PDCD7: variants seen among roughly 807,000 people sequenced by gnomAD.
The protein encoded by PDCD7 is programmed cell death protein 7.
PDCD7 carries 40 observed loss-of-function variants against 42.1 expected under a neutral mutation model. That is an observed-to-expected ratio of 0.95 (90% CI 0.74 to 1.24). The LOEUF is 1.24. PDCD7 is among the 50% of genes most tolerant of loss of function. The pLI, the probability that PDCD7 is intolerant of heterozygous loss-of-function variation, is 0.00. For synonymous variants in PDCD7, 299 were observed against 303.3 expected (o/e 0.99, Z 0.15); for missense variants, 644 against 662.8 (o/e 0.97, Z 0.31).
At chr15:65,125,741 G>C (rs1447320324) in intron 2 of PDCD7, among the ~76,000 whole-genome samples, 2 of 152,034 alleles carry the variant, frequency 1.3e-5, no homozygotes, top group Admixed American at 6.6e-5. Context: ...TTGCAGATGA[G>C]GAAACAAAGG....
chr15:65,124,588 C>G (rs970161967), intron 2 of PDCD7, among the ~76,000 whole-genome samples: 3 of 152,156 alleles, frequency 2.0e-5, no homozygotes, highest in African/African-American at 7.2e-5. Flanking sequence ...CCCCTTTAGC[C>G]ACATGCCTGC....
intron 2 of PDCD7, among the ~76,000 whole-genome samples, chr15:65,124,626 A>T (rs919425586): frequency 9.2e-5 from 14 of 152,080 alleles, no homozygotes; most frequent in African/African-American, 3.4e-4. Context: ...GGACCTTGGC[A>T]TTATCAGAAA....
In PDCD7 at chr15:65,133,718, G is replaced by A; in HGVS notation, c.64C>T (p.Pro22Ser). The change falls in exon 1 of 5, where the codon CCT becomes TCT. Residue 22 changes from proline to serine, a missense_variant. Transcript: ENST00000204549. ...PGPPPPQPPP[P>S]APFGCPPPPL... ...GGTGGCGGACAGCCGAAAGGAGCAG[G>A]AGGCGGCGGCTGCGGGGGCGGTGGG... 7.6e-7 allele frequency: 1 copy of A among 1,315,358 alleles called. No homozygotes were observed. The highest frequency in any genetic ancestry group is 3.1e-5 in the East Asian group (1 of 32,502). 81.5% of individuals were successfully genotyped at this position (1,315,358 alleles called of 1,614,324 possible).
chr15:65,119,214 C>A (rs1255688691), intron 4 of PDCD7, 162 bp downstream of exon 4: 2 of 576,316 alleles, frequency 3.5e-6, no homozygotes, highest in African/African-American at 1.9e-5. Flanking sequence ...ATGTATGCAG[C>A]ATCCTTGAAA....
chr15:65,132,124 G>GTGTA (rs892091863), intron 1 of PDCD7, among the ~76,000 whole-genome samples: 15 of 140,970 alleles, frequency 1.1e-4, no homozygotes, highest in African/African-American at 3.9e-4. Flanking sequence ...GTATGTATGT[G>GTGTA]TATATATATA....
intron 1 of PDCD7, among the ~76,000 whole-genome samples, chr15:65,131,749 C>CA (rs1385646913): frequency 6.6e-6 from 1 of 151,704 alleles, no homozygotes; most frequent in East Asian, 1.9e-4. Flanking sequence ...AACTCCATCT[C>CA]AAAAAAAGAA....
chr15:65,119,753 T>C lies in PDCD7; in HGVS notation c.1211A>G (p.Lys404Arg), dbSNP rs1247375068. 2 of 1,612,250 alleles carry C rather than the reference T, an allele frequency of 1.2e-6. No individual in the cohort carries two copies. Among genetic ancestry groups the C allele is most frequent in the East Asian group, 4.5e-5 (2 of 44,884 alleles). ...RKEKEKILLQ[K>R]REIESKLFGD... ...AAACAACTTGGACTCAATTTCACGTTTCTGAAGTAAAATTTTCTCTTTTTC... is the reference window on the plus strand; with the variant it reads ...AAACAACTTGGACTCAATTTCACGTCTCTGAAGTAAAATTTTCTCTTTTTC... The change falls in exon 3 of 5, where the codon AAA becomes AGA. Residue 404 changes from lysine to arginine, a missense_variant. Lys to Arg is a conservative substitution (Grantham distance 26). Coordinates refer to ENST00000204549, the MANE Select transcript of PDCD7 (RefSeq NM_005707.2).
In PDCD7 at chr15:65,117,396, T is replaced by G. The variant is rs950362575; in HGVS notation, c.*1321A>C. On this transcript the variant is annotated 3_prime_UTR_variant, in exon 5 of 5. Transcript: ENST00000204549. ...GCACAAACTAAAAAATAAAAATGATTTTTATTTAGTTTTTTGGAAATATAA... is the reference window on the plus strand; with the variant it reads ...GCACAAACTAAAAAATAAAAATGATGTTTATTTAGTTTTTTGGAAATATAA... 6.6e-6 allele frequency: 1 copy of G among 152,222 alleles called. No individual in the cohort carries two copies. The highest frequency in any genetic ancestry group is 1.5e-5 in the Non-Finnish European group (1 of 68,034). The allele number at this position is 152,222 out of a possible 1,614,324, so 9.4% of individuals were successfully genotyped here.
Position 65,117,432 on chromosome 15 carries a change from G to A in PDCD7, c.*1285C>T, listed in dbSNP as rs915060539. 1 of 151,982 alleles carries A rather than the reference G, an allele frequency of 6.6e-6. No individual in the cohort carries two copies. Among genetic ancestry groups the A allele is most frequent in the African/African-American group, 2.4e-5 (1 of 41,414 alleles). 9.4% of individuals were successfully genotyped at this position (151,982 alleles called of 1,614,324 possible). A position where few individuals can be genotyped will look rare whatever the true frequency, so the allele number is the denominator to read the frequency against. ...TTTTTGGAAATATAACAAAATAATTGGCAAAAACCAAACCAAAACAGAACC... is the reference window on the plus strand; with the variant it reads ...TTTTTGGAAATATAACAAAATAATTAGCAAAAACCAAACCAAAACAGAACC... On this transcript the variant is annotated 3_prime_UTR_variant, in exon 5 of 5. Transcript: ENST00000204549.
At position 65,120,217 on chromosome 15, in the gene PDCD7, GACC is replaced by G. The variant is rs575268392; in HGVS notation, c.1010-266_1010-264del. ...TGTGCAGGCTGGAGTGCGGCAGCAT[GACC>G]ACGACTCACTGCAGCCTCGACCTCC... On this transcript the variant is annotated intron_variant, in intron 2 of 4. Coordinates refer to ENST00000204549, the MANE Select transcript of PDCD7 (RefSeq NM_005707.2). Among the ~76,000 whole-genome samples, 44 of 151,968 alleles carry G rather than the reference GACC, an allele frequency of 2.9e-4. No individual in the cohort carries two copies. The South Asian group carries it at 9.1e-3, about 32-fold the overall frequency.
intron 1 of PDCD7, among the ~76,000 whole-genome samples, chr15:65,131,289 C>A (rs2087538272): frequency 6.6e-6 from 1 of 152,210 alleles, no homozygotes; most frequent in South Asian, 2.1e-4. Context: ...TGTCTCCTAT[C>A]ACCCCCAGAT....
rs1305408184 is a variant in PDCD7 at position 65,133,621 on chromosome 15, G to C, written c.161C>G (p.Pro54Arg). 1.6e-6 allele frequency: 2 copies of C among 1,246,098 alleles called. No homozygotes were observed. The allele number at this position is 1,246,098 out of a possible 1,614,324, so 77.2% of individuals were successfully genotyped here. ...CAGAGCCAGCGGAGGCTGAAGGAAG[G>C]GGGCGGAGGCCCCCGGAAAAGGGCC... ...RPGPFPGASA[P>R]FLQPPLALQP... Residue 54 changes from proline (P) to arginine (R), a missense_variant, in exon 1 of 5, where the codon CCC becomes CGC. Pro to Arg is a moderately radical substitution (Grantham distance 103, BLOSUM62 -2). Coordinates refer to ENST00000204549, the MANE Select transcript of PDCD7 (RefSeq NM_005707.2).
chr15:65,128,877 C>CAG (rs1375100166), intron 2 of PDCD7, among the ~76,000 whole-genome samples, 155 bp downstream of exon 2: 1 of 152,206 alleles, frequency 6.6e-6, no homozygotes, highest in Non-Finnish European at 1.5e-5. Flanking sequence ...CTTCCTGCTT[C>CAG]AGAAGTTCTG....
intron 1 of PDCD7, among the ~76,000 whole-genome samples, chr15:65,131,973 C>G (rs1304652136): frequency 6.6e-6 from 1 of 151,748 alleles, no homozygotes; most frequent in African/African-American, 2.4e-5. Context: ...CTTCTCAAGG[C>G]TGTTATAAAG....
intron 2 of PDCD7, 109 bp from the exon 3 acceptor site, chr15:65,120,063 T>C (rs2087440877): frequency 8.5e-7 from 1 of 1,179,046 alleles, no homozygotes; most frequent in African/African-American, 1.5e-5. Flanking sequence ...TCACTGCAAC[T>C]TCAAACTCCT....
chr15:65,118,703 C>T lies in PDCD7; in HGVS notation c.*14G>A. The T allele has an allele frequency of 6.3e-7, 1 of 1,594,492 alleles. No individual in the cohort carries two copies. The highest frequency in any genetic ancestry group is 8.5e-7 in the Non-Finnish European group (1 of 1,170,720). On this transcript the variant is annotated 3_prime_UTR_variant, in exon 5 of 5. Transcript: ENST00000204549. ...AAAGAGCGCTGGCTGGACCACACTC[C>T]TGGAGCATCTTTACTAATGCAGCTT... is the stretch of plus-strand genomic sequence containing the variant.
intron 1 of PDCD7, among the ~76,000 whole-genome samples, chr15:65,130,146 C>T (rs1157338294): frequency 6.7e-6 from 1 of 149,376 alleles, no homozygotes; most frequent in African/African-American, 2.5e-5. Context: ...GCACCCGCCC[C>T]CAACCCTCTT....
chr15:65,131,839 C>G (rs1000509230), intron 1 of PDCD7, among the ~76,000 whole-genome samples: 1 of 152,010 alleles, frequency 6.6e-6, no homozygotes, highest in Non-Finnish European at 1.5e-5. Context: ...GAGATCAATA[C>G]GCTTTGGAAT....
chr15:65,133,218 C>G lies in PDCD7; in HGVS notation c.564G>C (p.Leu188=). The change falls in exon 1 of 5, where the codon CTG becomes CTC. Residue 188 remains leucine (L), a synonymous_variant. Coordinates refer to ENST00000204549, the MANE Select transcript of PDCD7 (RefSeq NM_005707.2). ...CGCGCAGGGCCTGGCTCAGGCCGCG[C>G]AGCCGCCGCACCAGGCGCAGAGCCC... is the stretch of plus-strand genomic sequence containing the variant. ...LLRALRLVRR[L]RGLSQALREA... The G allele has an allele frequency of 7.2e-7, 1 of 1,381,322 alleles. No homozygotes were observed. Among genetic ancestry groups the G allele is most frequent in the South Asian group, 1.7e-5 (1 of 59,810 alleles). 85.6% of individuals were successfully genotyped at this position (1,381,322 alleles called of 1,614,324 possible). A position where few individuals can be genotyped will look rare whatever the true frequency, so the allele number is the denominator to read the frequency against.
Sources: allele counts gnomAD v4.1 joint callset (sites outside exome capture counted in the v4.1 genomes callset), GRCh38; gene constraint gnomAD v4.1.1; transcripts MANE v1.5; gene names NCBI Gene and HGNC (gene_info 2026-07-23, HGNC 2026-07-21).